The following DNAH6 variants were observed in gnomAD, a reference collection of about 807,000 sequenced individuals.
DNAH6 encodes the protein axonemal beta dynein heavy chain 6.
DNAH6 carries 340 observed loss-of-function variants against 491.4 expected under a neutral mutation model. The ratio of observed to expected loss-of-function variants is 0.69; its 90% CI spans 0.63 to 0.76. The LOEUF (loss-of-function observed/expected upper bound fraction) is 0.76, where lower values mean the gene tolerates loss of function less well. Ranked by LOEUF, DNAH6 falls within the 30% of genes least tolerant of loss-of-function variation. DNAH6 has a pLI of 0.00. For synonymous variants in DNAH6, 1,603 were observed against 1,686.1 expected, an observed-to-expected ratio of 0.95 and a Z score of 1.21; for missense variants, 4,443 against 4,972.2, an observed-to-expected ratio of 0.89 and a Z score of 3.20.
intron 33 of DNAH6, among the ~76,000 whole-genome samples, chr2:84,644,973 G>A (rs1689760395): frequency 6.6e-6 from 1 of 152,168 alleles, no homozygotes; most frequent in African/African-American, 2.4e-5. Context: ...GGGATTGCTG[G>A]GTCAAATGGT....
chr2:84,573,684 G>A (rs78902083), intron 12 of DNAH6, 97 bp downstream of exon 12: 6 of 1,096,558 alleles, frequency 5.5e-6, no homozygotes, highest in Non-Finnish European at 7.5e-6. Flanking sequence ...GGACACAAAT[G>A]GTAGCCCAAA....
intron 10 of DNAH6, among the ~76,000 whole-genome samples, chr2:84,555,355 C>T (rs1679912869): frequency 6.6e-6 from 1 of 152,146 alleles, no homozygotes. Context: ...GAAATAGACT[C>T]CTCCTTTGGT....
chr2:84,462,947 C>G, the DNAH6 span, among the ~76,000 whole-genome samples: 1 of 152,126 alleles, frequency 6.6e-6, no homozygotes, highest in African/African-American at 2.4e-5. Flanking sequence ...ATGCCATCCT[C>G]TGAGGCAAGG....
Position 84,617,001 on chromosome 2 carries a change from C to T in DNAH6, c.3572+19C>T, listed in dbSNP as rs1168875558. 1 of 1,367,054 alleles carries T rather than the reference C, an allele frequency of 7.3e-7. No individual in the cohort carries two copies. The highest frequency in any genetic ancestry group is 9.9e-7 in the Non-Finnish European group (1 of 1,014,478). The allele number at this position is 1,367,054 out of a possible 1,614,324, so 84.7% of individuals were successfully genotyped here. ...TTCCAAGGTAAGTTTATAAAGCAAC[C>T]TAAGATATTTTTTAGTAGTTATGAC... On this transcript the variant is annotated intron_variant, in intron 23 of 76. Transcript: ENST00000389394.
intron 11 of DNAH6, among the ~76,000 whole-genome samples, chr2:84,571,847 G>A (rs1573059564): frequency 6.6e-6 from 1 of 151,920 alleles, no homozygotes; most frequent in African/African-American, 2.4e-5. Context: ...GAGCCCGAGA[G>A]GTGGAGGTTG....
At chr2:84,612,390 A>G (rs1056581733) in intron 22 of DNAH6, among the ~76,000 whole-genome samples, 1 of 152,086 alleles carries the variant, frequency 6.6e-6, no homozygotes, top group Non-Finnish European at 1.5e-5. Flanking sequence ...TTCAGGGTGC[A>G]TATATGTGGC....
At chr2:84,703,806 A>T (rs996746295) in intron 50 of DNAH6, among the ~76,000 whole-genome samples, 1 of 152,170 alleles carries the variant, frequency 6.6e-6, no homozygotes, top group Non-Finnish European at 1.5e-5. Flanking sequence ...AGGACAGAGA[A>T]TTGTGAGAAA....
chr2:84,588,762 T>G, intron 15 of DNAH6, 64 bp from the exon 16 acceptor site: 1 of 1,317,548 alleles, frequency 7.6e-7, no homozygotes, highest in Non-Finnish European at 1.0e-6. Context: ...ATTAATTCAT[T>G]TAATTTAATT....
intron 22 of DNAH6, among the ~76,000 whole-genome samples, chr2:84,612,159 T>C (rs764939596): frequency 1.3e-5 from 2 of 152,124 alleles, no homozygotes; most frequent in Non-Finnish European, 2.9e-5. Flanking sequence ...GTATCAGCAA[T>C]GTTTTCATCT....
intron 70 of DNAH6, 81 bp downstream of exon 70, chr2:84,797,739 T>C: frequency 8.9e-7 from 1 of 1,120,732 alleles, no homozygotes. Context: ...CCACTCACTC[T>C]GGAAATTATA....
chr2:84,459,707 C>G, the DNAH6 span: 1 of 163,062 alleles, frequency 6.1e-6, no homozygotes, highest in African/African-American at 2.4e-5. Flanking sequence ...CTTTGTATCC[C>G]AGGCCCATCT....
intron 18 of DNAH6, among the ~76,000 whole-genome samples, chr2:84,603,312 G>A (rs1451961896): frequency 3.3e-5 from 5 of 152,158 alleles, no homozygotes; most frequent in East Asian, 1.9e-4. Flanking sequence ...TTTAAGGGTT[G>A]ATGTTGCTAT....
rs1680446562 is a variant in DNAH6 at position 84,815,959 on chromosome 2, A to T, written c.12249A>T (p.Gly4083=). ...TGGTGATAGAAGATGCATTGCCCGGACAGATGAATCCAGTGCTGCCTGTGG... is the reference window on the plus strand; with the variant it reads ...TGGTGATAGAAGATGCATTGCCCGGTCAGATGAATCCAGTGCTGCCTGTGG... ...KEMVIEDALP[G]QMNPVLPVVH... is the part of the protein sequence containing the mutation. Residue 4083 remains glycine, a synonymous_variant, in exon 76 of 77, where the codon GGA becomes GGT. Transcript: ENST00000389394. 6.4e-7 allele frequency: 1 copy of T among 1,551,950 alleles called. No individual in the cohort carries two copies. Among genetic ancestry groups the T allele is most frequent in the Non-Finnish European group, 8.7e-7 (1 of 1,147,058 alleles).
In DNAH6 at chr2:84,713,236, C is replaced by T; in HGVS notation, c.9520C>T (p.Pro3174Ser). Residue 3174 changes from proline to serine, a missense_variant, in exon 57 of 77, where the codon CCA (proline) becomes TCA (serine). Physicochemically the swap from Pro to Ser is moderately conservative, Grantham distance 74. Transcript: ENST00000389394. ...TAGGTTCTATATGACAACCAAAATG[C>T]CAAATCCCCACTATCTGCCTGAGGT... ...NFRFYMTTKM[P>S]NPHYLPEVCI... 1.3e-6 allele frequency: 2 copies of T among 1,552,106 alleles called. No individual in the cohort carries two copies. Among genetic ancestry groups the T allele is most frequent in the Admixed American group, 2.0e-5 (1 of 50,964 alleles).
At chr2:84,646,567 A>C (rs925611438) in intron 33 of DNAH6, among the ~76,000 whole-genome samples, 2 of 152,250 alleles carry the variant, frequency 1.3e-5, no homozygotes, top group Non-Finnish European at 2.9e-5. Context: ...ACTCCAGTGA[A>C]TACATGAATG....
chr2:84,546,957 C>A (rs1036955753), intron 5 of DNAH6, among the ~76,000 whole-genome samples: 20 of 152,136 alleles, frequency 1.3e-4, no homozygotes, highest in African/African-American at 4.8e-4. Context: ...CTTAAGGTAA[C>A]ACCCAGTTTT....
At chr2:84,801,432 A>G (rs1678900827) in intron 70 of DNAH6, among the ~76,000 whole-genome samples, 1 of 152,178 alleles carries the variant, frequency 6.6e-6, no homozygotes, top group African/African-American at 2.4e-5. Flanking sequence ...CATAGTCATC[A>G]GACTTTCCAA....
At chr2:84,542,564 G>A (rs1170982994) in intron 4 of DNAH6, among the ~76,000 whole-genome samples, 4 of 152,016 alleles carry the variant, frequency 2.6e-5, no homozygotes, top group Non-Finnish European at 2.9e-5. Flanking sequence ...CTCCCACTTC[G>A]CACAGCACCA....
rs191948439 is a variant in DNAH6 at position 84,799,240 on chromosome 2, G to A, written c.11481+1582G>A. 6.0e-4 allele frequency among the ~76,000 whole-genome samples: 92 copies of A among 152,184 alleles called. 1 individual carries two copies. Among genetic ancestry groups the A allele is most frequent in the African/African-American group, 1.2e-3 (51 of 41,540 alleles). ...TGACCTCAGGCGATCCACCTGCCTC[G>A]GCCTCCCAAAGTGCTGGGATTACAG... On this transcript the variant is annotated intron_variant, in intron 70 of 76. Coordinates refer to ENST00000389394, the MANE Select transcript of DNAH6 (RefSeq NM_001370.2).
Sources: gnomAD v4.1 joint callset for allele counts (sites outside exome capture counted in the v4.1 genomes callset) on GRCh38, gnomAD v4.1.1 for gene constraint, MANE v1.5 for transcripts, NCBI Gene and HGNC (gene_info 2026-07-23, HGNC 2026-07-21) for gene names.